The following SCIN variants were observed in gnomAD, a reference collection of about 807,000 sequenced individuals.
SCIN encodes the protein adseverin.
Under a neutral mutation model 91.8 loss-of-function variants are expected in SCIN, and 91 were observed. The ratio of observed to expected loss-of-function variants is 0.99; its 90% CI spans 0.84 to 1.18. SCIN has a LOEUF of 1.18. SCIN is among the 50% of genes most tolerant of loss of function. SCIN has a pLI of 0.00. For missense variants in SCIN, 1,087 were observed against 863.9 expected (o/e 1.26, Z -3.24); for synonymous variants, 367 against 312.6 (o/e 1.17, Z -1.84).
At chr7:12,615,331 AT>A (rs1783276489) in intron 4 of SCIN, among the ~76,000 whole-genome samples, 1 of 152,124 alleles carries the variant, frequency 6.6e-6, no homozygotes, top group South Asian at 2.1e-4. Context: ...TGATTAGATC[AT>A]GGTGGCAGTT....
chr7:12,601,688 A>T (rs1455986815), intron 3 of SCIN, among the ~76,000 whole-genome samples: 1 of 152,248 alleles, frequency 6.6e-6, no homozygotes, highest in African/African-American at 2.4e-5. Context: ...GATACAGTAA[A>T]CATTGAAGGC....
chr7:12,577,599 C>A (rs55829483), intron 1 of SCIN: 4 of 455,550 alleles, frequency 8.8e-6, no homozygotes, highest in Admixed American at 4.7e-5. Flanking sequence ...ACCTGTAATC[C>A]CCAACAATTT....
intron 6 of SCIN, among the ~76,000 whole-genome samples, chr7:12,625,474 G>A (rs1274510326): frequency 1.7e-5 from 2 of 118,490 alleles, no homozygotes; most frequent in Non-Finnish European, 3.3e-5. Context: ...CTGGAGTGCA[G>A]CCCGCCACCA....
In SCIN at chr7:12,622,893, G is replaced by A. The variant is rs780927464; in HGVS notation, c.759G>A (p.Met253Ile). 1 of 1,606,662 alleles carries A rather than the reference G, an allele frequency of 6.2e-7. No homozygotes were observed. The highest frequency in any genetic ancestry group is 1.7e-5 in the Admixed American group (1 of 59,748). Residue 253 changes from methionine (M) to isoleucine (I), a missense_variant and splice_region_variant, in exon 5 of 16, where the codon ATG becomes ATA. Transcript: ENST00000297029. Reference sequence around the variant, plus strand: ...ACAGGAAAATGGCTAAACTATACATGGTGAGTTCACTGTAACCAAATTTAT... The same window carrying A: ...ACAGGAAAATGGCTAAACTATACATAGTGAGTTCACTGTAACCAAATTTAT... ...ISNRKMAKLY[M>I]VSDASGSMRV... is the part of the protein sequence containing the mutation.
chr7:12,597,827 G>T (rs891654141), intron 3 of SCIN, among the ~76,000 whole-genome samples: 1 of 152,038 alleles, frequency 6.6e-6, no homozygotes, highest in East Asian at 1.9e-4. Context: ...TTAATAGTTT[G>T]TATATTAAGA....
intron 14 of SCIN, among the ~76,000 whole-genome samples, chr7:12,650,567 C>A (rs564629228): frequency 5.9e-5 from 9 of 152,202 alleles, no homozygotes; most frequent in African/African-American, 1.9e-4. Flanking sequence ...TGTTTCAGCA[C>A]TTTCAGTATG....
chr7:12,594,623 C>T (rs943096824), intron 3 of SCIN, among the ~76,000 whole-genome samples: 12 of 151,962 alleles, frequency 7.9e-5, no homozygotes, highest in South Asian at 2.1e-4. Flanking sequence ...CTTGCGATTG[C>T]GGAGGAGACA....
intron 1 of SCIN, 191 bp downstream of exon 1, chr7:12,571,176 G>T (rs1782262786): frequency 3.2e-6 from 2 of 626,326 alleles, no homozygotes; most frequent in Admixed American, 6.1e-5. Context: ...TGCAAACGCG[G>T]GGCTCAGGCG....
rs1002474961 is a variant in SCIN, at chr7:12,604,557, G to A, written c.560G>A (p.Arg187His). ...GGTTCCTCGTGCAACAAATATGAAC[G>A]TCTGAAGGCAAACCAGGTAGCTACT... ...WCGSSCNKYERLKANQVATGI... is the reference protein window; with the variant it reads ...WCGSSCNKYEHLKANQVATGI... The change falls in exon 4 of 16, where the codon CGT becomes CAT. Residue 187 changes from arginine (R) to histidine (H), a missense_variant. Transcript: ENST00000297029. The A allele has an allele frequency of 8.4e-6, 13 of 1,551,736 alleles. No homozygotes were observed. The highest frequency in any genetic ancestry group is 2.7e-5 in the African/African-American group (2 of 73,070).
chr7:12,628,955 T>C (rs1783586791), intron 8 of SCIN, 146 bp from the exon 9 acceptor site: 4 of 707,862 alleles, frequency 5.7e-6, no homozygotes, highest in Middle Eastern at 7.1e-4. Flanking sequence ...TCGATAACAA[T>C]TTCTTTGCTT....
At chr7:12,641,961 C>A (rs1783867081) in intron 11 of SCIN, among the ~76,000 whole-genome samples, 1 of 151,872 alleles carries the variant, frequency 6.6e-6, no homozygotes, top group Non-Finnish European at 1.5e-5. Context: ...CTCTTTCCCT[C>A]CTCTTTTATG....
chr7:12,601,278 G>A (rs1782952831), intron 3 of SCIN, among the ~76,000 whole-genome samples: 1 of 152,154 alleles, frequency 6.6e-6, no homozygotes, highest in Non-Finnish European at 1.5e-5. Context: ...AGGAGAGGCT[G>A]CCCCATTTTA....
At chr7:12,588,846 G>GGT in intron 3 of SCIN, 1 of 132,576 alleles carries the variant, frequency 7.5e-6, no homozygotes, top group African/African-American at 3.0e-5. Flanking sequence ...GGAAGGGGGA[G>GGT]GGGTTCTGGT....
At chr7:12,581,385 G>C (rs1782485665) in intron 3 of SCIN, among the ~76,000 whole-genome samples, 164 bp downstream of exon 3, 1 of 152,194 alleles carries the variant, frequency 6.6e-6, no homozygotes, top group African/African-American at 2.4e-5. Flanking sequence ...CGCATGAAGT[G>C]AGACTTCAAA....
chr7:12,576,645 C>A (rs1782377991), intron 1 of SCIN, among the ~76,000 whole-genome samples: 1 of 152,110 alleles, frequency 6.6e-6, no homozygotes, highest in Non-Finnish European at 1.5e-5. Flanking sequence ...AAAAAATACC[C>A]ACAAGTGTAC....
Position 12,657,457 on chromosome 7 carries a change from C to T in SCIN, c.*4742C>T, listed in dbSNP as rs866918798. 6.9e-6 allele frequency: 1 copy of T among 145,462 alleles called. No individual in the cohort carries two copies. Among genetic ancestry groups the T allele is most frequent in the Non-Finnish European group, 1.5e-5 (1 of 66,824 alleles). 9.0% of individuals were successfully genotyped at this position (145,462 alleles called of 1,614,324 possible). A position where few individuals can be genotyped will look rare whatever the true frequency, so the allele number is the denominator to read the frequency against. On this transcript the variant is annotated 3_prime_UTR_variant, in exon 16 of 16. Coordinates refer to ENST00000297029, the MANE Select transcript of SCIN (RefSeq NM_001112706.3). The stretch of plus-strand genomic sequence containing the variant: ...CTCCTAGACTCAGGAAATCCACCTG[C>T]CTTGGCCTCCCAATATGCTGGGATT...
chr7:12,571,461 C>G (rs188925007), intron 1 of SCIN: 7 of 370,692 alleles, frequency 1.9e-5, no homozygotes, highest in Admixed American at 4.0e-5. Context: ...TTTCTTCACA[C>G]ATTATTTTTA....
At chr7:12,626,325 G>T in intron 7 of SCIN, 2 of 442,390 alleles carry the variant, frequency 4.5e-6, no homozygotes, top group South Asian at 3.1e-5. Context: ...AGGTCACAGA[G>T]CTCTTGTGAA....
chr7:12,638,252 T>A (rs1288200100), intron 10 of SCIN, among the ~76,000 whole-genome samples: 1 of 152,196 alleles, frequency 6.6e-6, no homozygotes, highest in African/African-American at 2.4e-5. Flanking sequence ...TTCTTGTTCC[T>A]TTTTCCTACA....
Sources: gnomAD v4.1 joint callset for allele counts (sites outside exome capture counted in the v4.1 genomes callset) on GRCh38, gnomAD v4.1.1 for gene constraint, MANE v1.5 for transcripts, NCBI Gene and HGNC (gene_info 2026-07-23, HGNC 2026-07-21) for gene names.